CDH12: variants seen among roughly 807,000 people sequenced by gnomAD.
CDH12 encodes cadherin-12.
CDH12 carries 41 observed loss-of-function variants against 74.1 expected under a neutral mutation model. The observed-to-expected ratio is 0.55, with a 90% CI of 0.43 to 0.72. The LOEUF is 0.72. Among genes scored for constraint, CDH12 ranks in the 30% least tolerant of loss-of-function variants. The pLI, the probability that CDH12 is intolerant of heterozygous loss-of-function variation, is 0.00. For missense variants in CDH12, 945 were observed against 977.2 expected (o/e 0.97, Z 0.44); for synonymous variants, 399 against 355.0 (o/e 1.12, Z -1.39).
intron 8 of CDH12, among the ~76,000 whole-genome samples, chr5:21,839,495 A>C (rs905751428): frequency 3.3e-5 from 5 of 152,176 alleles, no homozygotes; most frequent in African/African-American, 1.2e-4. Context: ...ATATCCATTA[A>C]AGTGTAATTA....
At chr5:22,499,799 T>C (rs1747261517) in intron 2 of CDH12, among the ~76,000 whole-genome samples, 1 of 152,146 alleles carries the variant, frequency 6.6e-6, no homozygotes, top group South Asian at 2.1e-4. Flanking sequence ...AAAAGTCAGA[T>C]GAAATCATTT....
At chr5:22,095,023 A>G (rs937410867) in intron 4 of CDH12, among the ~76,000 whole-genome samples, 1 of 152,138 alleles carries the variant, frequency 6.6e-6, no homozygotes, top group African/African-American at 2.4e-5. Context: ...TTGCTCACAC[A>G]AAGCCTGTTT....
At chr5:22,223,178 T>G (rs925900761) in intron 3 of CDH12, among the ~76,000 whole-genome samples, 1 of 152,010 alleles carries the variant, frequency 6.6e-6, no homozygotes, top group African/African-American at 2.4e-5. Context: ...AAGCAACACA[T>G]GTGTTAAAGT....
At chr5:22,486,229 T>A (rs888042267) in intron 2 of CDH12, among the ~76,000 whole-genome samples, 1 of 152,120 alleles carries the variant, frequency 6.6e-6, no homozygotes, top group Non-Finnish European at 1.5e-5. Context: ...GTCTCAGAAA[T>A]TGTCACCTTT....
intron 2 of CDH12, among the ~76,000 whole-genome samples, chr5:22,457,487 T>C (rs537680498): frequency 6.6e-6 from 1 of 151,936 alleles, no homozygotes; most frequent in Non-Finnish European, 1.5e-5. Flanking sequence ...TGGTGCAATC[T>C]CAGCTCATTG....
chr5:21,795,404 T>C (rs1336522178), intron 10 of CDH12, among the ~76,000 whole-genome samples: 2 of 151,944 alleles, frequency 1.3e-5, no homozygotes, highest in Non-Finnish European at 2.9e-5. Context: ...GCCATTTTAA[T>C]ACTTAGCTGA....
intron 1 of CDH12, among the ~76,000 whole-genome samples, chr5:22,705,142 C>T (rs1440018281): frequency 6.3e-5 from 9 of 143,012 alleles, no homozygotes; most frequent in African/African-American, 1.3e-4. Context: ...CACACACACA[C>T]ACACACACAC....
intron 3 of CDH12, among the ~76,000 whole-genome samples, chr5:22,271,984 C>T (rs1436469902): frequency 6.6e-6 from 1 of 152,126 alleles, no homozygotes; most frequent in Non-Finnish European, 1.5e-5. Context: ...TTATCACCAG[C>T]TGCATTAGGC....
At chr5:22,754,140 C>T (rs1745753416) in intron 1 of CDH12, among the ~76,000 whole-genome samples, 2 of 152,056 alleles carry the variant, frequency 1.3e-5, no homozygotes, top group Admixed American at 1.3e-4. Flanking sequence ...ATTATCAAAC[C>T]TAAACAACGA....
chr5:21,853,132 A>G (rs2149998912), intron 7 of CDH12, among the ~76,000 whole-genome samples: 1 of 151,628 alleles, frequency 6.6e-6, no homozygotes, highest in South Asian at 2.1e-4. Context: ...GATTTTTTTC[A>G]CAGCTAAAAA....
intron 6 of CDH12, among the ~76,000 whole-genome samples, chr5:21,880,634 TCTTTCTTTCTTTCTTTC>T (rs1752273057): frequency 9.6e-6 from 1 of 104,380 alleles, no homozygotes; most frequent in Non-Finnish European, 2.0e-5. Context: ...TTTCTTTCTT[TCTTTCTTTCTTTCTTTC>T]TTTCTTTCTT....
chr5:22,159,088 G>C (rs1748183746), intron 4 of CDH12, among the ~76,000 whole-genome samples: 1 of 152,064 alleles, frequency 6.6e-6, no homozygotes, highest in Non-Finnish European at 1.5e-5. Context: ...CTTTATAGCA[G>C]TGGTGAATTT....
chr5:22,285,863 G>T (rs768299164), intron 3 of CDH12, among the ~76,000 whole-genome samples: 2 of 152,082 alleles, frequency 1.3e-5, no homozygotes, highest in Non-Finnish European at 2.9e-5. Context: ...TCTTACTTCT[G>T]AGGATGAGGC....
chr5:22,599,446 G>T (rs972488844), intron 1 of CDH12, among the ~76,000 whole-genome samples: 7 of 152,100 alleles, frequency 4.6e-5, no homozygotes, highest in African/African-American at 1.7e-4. Context: ...CACTGCCCCA[G>T]TGCATTCTTA....
At chr5:21,781,336 C>G (rs1272989721) in intron 11 of CDH12, among the ~76,000 whole-genome samples, 2 of 152,094 alleles carry the variant, frequency 1.3e-5, no homozygotes, top group Non-Finnish European at 2.9e-5. Context: ...GGAGGGGACA[C>G]CCAGAGCCCC....
At chr5:22,386,100 G>A (rs766160312) in intron 3 of CDH12, among the ~76,000 whole-genome samples, 1 of 151,926 alleles carries the variant, frequency 6.6e-6, no homozygotes, top group Non-Finnish European at 1.5e-5. Context: ...CCATGTTGGT[G>A]AGACTGGTCT....
At chr5:22,816,318 C>G (rs751463147) in intron 1 of CDH12, among the ~76,000 whole-genome samples, 3 of 152,152 alleles carry the variant, frequency 2.0e-5, no homozygotes, top group Non-Finnish European at 4.4e-5. Flanking sequence ...GGAATCCTGA[C>G]AGATTCAAAC....
At chr5:22,100,047 T>G (rs1744047929) in intron 4 of CDH12, among the ~76,000 whole-genome samples, 1 of 152,108 alleles carries the variant, frequency 6.6e-6, no homozygotes, top group African/African-American at 2.4e-5. Flanking sequence ...ACATCGCCCA[T>G]TATCTCTCCA....
At chr5:22,168,054 G>A (rs1271021938) in intron 4 of CDH12, among the ~76,000 whole-genome samples, 1 of 152,074 alleles carries the variant, frequency 6.6e-6, no homozygotes, top group African/African-American at 2.4e-5. Flanking sequence ...CACCCAAGGT[G>A]AGAAGCTGAG....
Sources: allele counts gnomAD v4.1 joint callset (sites outside exome capture counted in the v4.1 genomes callset), GRCh38; gene constraint gnomAD v4.1.1; transcripts MANE v1.5; gene names NCBI Gene and HGNC (gene_info 2026-07-23, HGNC 2026-07-21).